The following GLP2R variants were observed in gnomAD, a reference collection of about 807,000 sequenced individuals.
GLP2R encodes glucagon-like peptide 2 receptor.
A neutral mutation model predicts 68.2 loss-of-function variants in GLP2R; 59 were observed. The observed-to-expected ratio is 0.87, with a 90% confidence interval of 0.70 to 1.07. The LOEUF (loss-of-function observed/expected upper bound fraction) is 1.07, where lower values mean the gene tolerates loss of function less well. Among genes scored for constraint, GLP2R ranks in the 50% least tolerant of loss-of-function variants. The probability of loss-of-function intolerance (pLI) is 0.00; values close to 1 mark genes in which losing one functional copy is unlikely to be tolerated. For synonymous variants in GLP2R, 270 were observed against 265.4 expected (o/e 1.02, Z -0.17); for missense variants, 548 against 677.4 (o/e 0.81, Z 2.12).
chr17:9,878,711 G>A (rs62066054), intron 10 of GLP2R, among the ~76,000 whole-genome samples: 31,392 of 152,178 alleles, frequency 0.21, 4,268 homozygotes, highest in Non-Finnish European at 0.31. Context: ...TCCTTTGGGG[G>A]CACAAAGGTG....
At position 9,870,762 on chromosome 17, in the gene GLP2R, T is replaced by G; in HGVS notation, c.1072T>G (p.Phe358Val). The change falls in exon 10 of 13, where the codon TTC becomes GTC. Residue 358 changes from phenylalanine to valine, a missense_variant. Physicochemically the swap from Phe to Val is conservative, Grantham distance 50. Coordinates refer to ENST00000262441, the MANE Select transcript of GLP2R (RefSeq NM_004246.3). Reference sequence around the variant, plus strand: ...TTTTTTCAAGGTCAATTTCTTCATCTTCCTGAAAATTCTCAAGCTTCTCAT... The same window carrying G: ...TTTTTTCAAGGTCAATTTCTTCATCGTCCTGAAAATTCTCAAGCTTCTCAT... ...MLCVTVNFFI[F>V]LKILKLLISK... is the part of the protein sequence containing the mutation. The G allele has an allele frequency of 6.5e-7, 1 of 1,543,412 alleles. No homozygotes were observed. Among genetic ancestry groups the G allele is most frequent in the Non-Finnish European group, 9.0e-7 (1 of 1,115,086 alleles).
At chr17:9,855,589 C>T (rs2066927519) in intron 5 of GLP2R, among the ~76,000 whole-genome samples, 1 of 152,202 alleles carries the variant, frequency 6.6e-6, no homozygotes, top group Non-Finnish European at 1.5e-5. Context: ...TGTCAATTAG[C>T]TATCAAATTT....
At chr17:9,867,461 T>C (rs937404222) in intron 9 of GLP2R, among the ~76,000 whole-genome samples, 5 of 152,344 alleles carry the variant, frequency 3.3e-5, no homozygotes, top group Admixed American at 3.3e-4. Context: ...CAGATGCCCT[T>C]TGGGTCTCTT....
intron 4 of GLP2R, chr17:9,853,241 A>G: frequency 3.2e-6 from 1 of 314,820 alleles, no homozygotes. Context: ...GTCGGCCTTT[A>G]GTTCACAACT....
chr17:9,827,313 G>A (rs1440403265), intron 1 of GLP2R, among the ~76,000 whole-genome samples: 1 of 152,130 alleles, frequency 6.6e-6, no homozygotes, highest in Non-Finnish European at 1.5e-5. Context: ...AGTGCCAGGT[G>A]CCCCCGTTCC....
chr17:9,861,918 G>C (rs1330696992), intron 8 of GLP2R, 103 bp from the exon 9 acceptor site: 2 of 826,190 alleles, frequency 2.4e-6, no homozygotes, highest in Non-Finnish European at 4.2e-6. Context: ...TGGGAAGTAG[G>C]GCTTGAGTGC....
At chr17:9,831,833 A>G (rs758129948) in intron 1 of GLP2R, among the ~76,000 whole-genome samples, 19 of 152,108 alleles carry the variant, frequency 1.2e-4, no homozygotes, top group Non-Finnish European at 2.5e-4. Context: ...GAGAGACGTT[A>G]AGGAGGTGGG....
At chr17:9,856,768 T>G (rs2066936998) in intron 5 of GLP2R, among the ~76,000 whole-genome samples, 1 of 152,236 alleles carries the variant, frequency 6.6e-6, no homozygotes, top group African/African-American at 2.4e-5. Context: ...ACAGATGACT[T>G]CATCCTTCTG....
rs1410293579 is a variant in GLP2R, at chr17:9,891,014, G to A, written c.*1309G>A. The stretch of plus-strand genomic sequence containing the variant: ...AATGCACAGGAGTGTCACTTTCATG[G>A]TATGTAAAATGCATGTGTACGTGGG... On this transcript the variant is annotated 3_prime_UTR_variant, in exon 13 of 13. Transcript: ENST00000262441. The A allele has an allele frequency of 6.6e-6, 1 of 152,168 alleles. No individual in the cohort carries two copies. The highest frequency in any genetic ancestry group is 2.4e-5 in the African/African-American group (1 of 41,422). The allele number at this position is 152,168 out of a possible 1,614,324, so 9.4% of individuals were successfully genotyped here.
Position 9,860,774 on chromosome 17 carries a change from A to C in GLP2R, c.926-365A>C, listed in dbSNP as rs376031290. On this transcript the variant is annotated intron_variant, in intron 7 of 12. Coordinates refer to ENST00000262441, the MANE Select transcript of GLP2R (RefSeq NM_004246.3). ...GTTTTCTGATTAAAAAAATATGACC[A>C]AGAGTATCTAGATTTGGACCCCCTA... Among the ~76,000 whole-genome samples the C allele has an allele frequency of 3.1e-4, 47 of 152,286 alleles. No individual in the cohort carries two copies. The South Asian group carries it at 5.8e-3, about 19-fold the overall frequency.
At chr17:9,875,685 C>A (rs1010854574) in intron 10 of GLP2R, among the ~76,000 whole-genome samples, 2 of 152,118 alleles carry the variant, frequency 1.3e-5, no homozygotes, top group Non-Finnish European at 2.9e-5. Flanking sequence ...AACTTTGGGG[C>A]TATAAACAGG....
intron 11 of GLP2R, among the ~76,000 whole-genome samples, chr17:9,881,679 C>T (rs920698020): frequency 3.9e-5 from 6 of 152,180 alleles, no homozygotes; most frequent in Middle Eastern, 3.2e-3. Flanking sequence ...CGCTCCCCTG[C>T]CAGGCCTTTT....
chr17:9,837,748 G>T (rs1567718873), intron 3 of GLP2R, among the ~76,000 whole-genome samples: 1 of 149,734 alleles, frequency 6.7e-6, no homozygotes, highest in Non-Finnish European at 1.5e-5. Flanking sequence ...GTGATTACTG[G>T]TTAGATTCCT....
chr17:9,850,204 C>G (rs778744617), intron 4 of GLP2R, among the ~76,000 whole-genome samples: 1 of 152,134 alleles, frequency 6.6e-6, no homozygotes, highest in Non-Finnish European at 1.5e-5. Flanking sequence ...TGGTACTAAG[C>G]GTGAGCTGGA....
intron 9 of GLP2R, among the ~76,000 whole-genome samples, chr17:9,868,100 T>C (rs2067057115): frequency 6.6e-6 from 1 of 152,232 alleles, no homozygotes; most frequent in Non-Finnish European, 1.5e-5. Context: ...GGTAACTTAC[T>C]GAAGTCTTCA....
chr17:9,826,184 A>G lies in GLP2R; in HGVS notation c.121A>G (p.Arg41Gly). The G allele has an allele frequency of 5.0e-6, 8 of 1,613,514 alleles. No homozygotes were observed. The highest frequency in any genetic ancestry group is 6.8e-6 in the Non-Finnish European group (8 of 1,179,798). Residue 41 changes from arginine to glycine, a missense_variant, in exon 1 of 13, where the codon AGG (arginine) becomes GGG (glycine). Physicochemically the swap from Arg to Gly is moderately radical, Grantham distance 125 (BLOSUM62 -2). Coordinates refer to ENST00000262441, the MANE Select transcript of GLP2R (RefSeq NM_004246.3). ...GGGGACCAGTCCTCTCTCCTTCCAC[A>G]GGAAGTGCTCTCTCTGGGCCCCTGG... ...PWGTSPLSFH[R>G]KCSLWAPGRP...
chr17:9,844,518 G>A (rs1421947536), intron 4 of GLP2R, among the ~76,000 whole-genome samples: 1 of 151,858 alleles, frequency 6.6e-6, no homozygotes, highest in East Asian at 1.9e-4. Context: ...GACCTGGCTG[G>A]TGCTGGAGGC....
chr17:9,889,428 GC>G lies in GLP2R; in HGVS notation c.1386del (p.Cys462Ter). On this transcript the variant is annotated frameshift_variant, in exon 13 of 13. Coordinates refer to ENST00000262441, the MANE Select transcript of GLP2R (RefSeq NM_004246.3). LOFTEE classifies it low-confidence loss of function (END_TRUNC). ...TTCTTGCTAGCCCGCCACTCAGGCTGCAGAGCCTGTGTCCTGGGGAAGGACT... is the reference window on the plus strand; with the variant it reads ...TTCTTGCTAGCCCGCCACTCAGGCTGAGAGCCTGTGTCCTGGGGAAGGACT... ...VRFLLARHSG[C>X]RACVLGKDFR... The G allele has an allele frequency of 1.2e-6, 2 of 1,613,760 alleles. No individual in the cohort carries two copies. The highest frequency in any genetic ancestry group is 1.7e-6 in the Non-Finnish European group (2 of 1,179,590).
chr17:9,846,583 C>T (rs2066841193), intron 4 of GLP2R, among the ~76,000 whole-genome samples: 1 of 152,178 alleles, frequency 6.6e-6, no homozygotes, highest in South Asian at 2.1e-4. Flanking sequence ...TGTGCCACTG[C>T]ACTCCAGCTT....
Sources: allele counts gnomAD v4.1 joint callset (sites outside exome capture counted in the v4.1 genomes callset), GRCh38; gene constraint gnomAD v4.1.1; transcripts MANE v1.5; gene names NCBI Gene and HGNC (gene_info 2026-07-23, HGNC 2026-07-21).